Variants in CELF4 observed in about 807,000 individuals in gnomAD.
CELF4 encodes CUGBP Elav-like family member 4.
A neutral mutation model predicts 59.9 loss-of-function variants in CELF4; 18 were observed. That is an observed-to-expected ratio of 0.30 (90% CI 0.21 to 0.45). CELF4 has a LOEUF of 0.45. Ranked by LOEUF, CELF4 falls within the 20% of genes least tolerant of loss-of-function variation. The probability of loss-of-function intolerance (pLI) is 1.00; values close to 1 mark genes in which losing one functional copy is unlikely to be tolerated. For missense variants in CELF4, 456 were observed against 689.0 expected (o/e 0.66, Z 3.79); for synonymous variants, 261 against 267.1 (o/e 0.98, Z 0.22).
chr18:37,440,500 T>C lies in CELF4; in HGVS notation c.369+45025A>G, dbSNP rs1260786627. Among the ~76,000 whole-genome samples, 6 of 152,316 alleles carry C rather than the reference T, an allele frequency of 3.9e-5. No individual in the cohort carries two copies. The South Asian group carries it at 8.3e-4, about 21-fold the overall frequency. On this transcript the variant is annotated intron_variant, in intron 2 of 12. Coordinates refer to ENST00000420428, the MANE Select transcript of CELF4 (RefSeq NM_020180.4). ...TACCATCTGAGGAGCATTTCCTCCA[T>C]GTCAGACCAGATGTCCTCAGCTTCA...
chr18:37,476,939 A>C (rs926679124), intron 2 of CELF4, among the ~76,000 whole-genome samples: 1 of 152,176 alleles, frequency 6.6e-6, no homozygotes, highest in African/African-American at 2.4e-5. Context: ...CTTCCTTTCT[A>C]CATCCATGAC....
At chr18:37,412,077 A>C (rs1226459375) in intron 2 of CELF4, among the ~76,000 whole-genome samples, 4 of 152,202 alleles carry the variant, frequency 2.6e-5, no homozygotes, top group Non-Finnish European at 5.9e-5. Context: ...GAAGAATACA[A>C]CCACATAAGA....
intron 2 of CELF4, among the ~76,000 whole-genome samples, chr18:37,370,611 C>G (rs2098847264): frequency 6.6e-6 from 1 of 152,140 alleles, no homozygotes; most frequent in Non-Finnish European, 1.5e-5. Flanking sequence ...TGAAAAGTAG[C>G]ATGCTTTTAA....
At chr18:37,284,982 C>G (rs1274240794) in intron 3 of CELF4, among the ~76,000 whole-genome samples, 1 of 152,198 alleles carries the variant, frequency 6.6e-6, no homozygotes, top group Non-Finnish European at 1.5e-5. Context: ...GCCTGGAGTT[C>G]TCACTCCCTC....
At chr18:37,564,235 C>T (rs2099987440) in intron 1 of CELF4, among the ~76,000 whole-genome samples, 1 of 152,190 alleles carries the variant, frequency 6.6e-6, no homozygotes, top group South Asian at 2.1e-4. Context: ...ATTTAACTTG[C>T]CCACATAGAT....
intron 2 of CELF4, among the ~76,000 whole-genome samples, chr18:37,332,552 A>G (rs1301005603): frequency 6.6e-6 from 1 of 151,906 alleles, no homozygotes; most frequent in Non-Finnish European, 1.5e-5. Context: ...TCTCTCTACA[A>G]AATGCCTTCC....
chr18:37,381,382 T>C (rs2099039059), intron 2 of CELF4, among the ~76,000 whole-genome samples: 1 of 152,248 alleles, frequency 6.6e-6, no homozygotes, highest in African/African-American at 2.4e-5. Flanking sequence ...TCATGTTCTG[T>C]TTCTGCTTGA....
At chr18:37,463,991 C>T (rs757786406) in intron 2 of CELF4, among the ~76,000 whole-genome samples, 10 of 152,156 alleles carry the variant, frequency 6.6e-5, no homozygotes, top group Non-Finnish European at 1.2e-4. Flanking sequence ...ACCTGCCACC[C>T]GCAGACTCCC....
At chr18:37,346,689 C>G in intron 2 of CELF4, among the ~76,000 whole-genome samples, 1 of 152,004 alleles carries the variant, frequency 6.6e-6, no homozygotes, top group East Asian at 1.9e-4. Flanking sequence ...GGGCGAGGCT[C>G]GGGATTGGAG....
chr18:37,441,229 T>A (rs533556882), intron 2 of CELF4, among the ~76,000 whole-genome samples: 3 of 151,820 alleles, frequency 2.0e-5, no homozygotes, highest in African/African-American at 7.2e-5. Context: ...GCTTTCCAGA[T>A]GCCAGGGAGC....
intron 2 of CELF4, among the ~76,000 whole-genome samples, chr18:37,442,063 T>C (rs1417017300): frequency 6.6e-6 from 1 of 152,120 alleles, no homozygotes; most frequent in African/African-American, 2.4e-5. Flanking sequence ...TTTCCTTTAT[T>C]GGGTGCCCCA....
intron 2 of CELF4, among the ~76,000 whole-genome samples, chr18:37,452,079 G>T (rs962302338): frequency 3.9e-5 from 6 of 152,308 alleles, no homozygotes; most frequent in Middle Eastern, 6.8e-3. Context: ...AGGAGGCAGG[G>T]ACAGTGGGAT....
In CELF4 at chr18:37,378,760, C is replaced by T. The variant is rs150595216; in HGVS notation, c.370-56879G>A. On this transcript the variant is annotated intron_variant, in intron 2 of 12. Transcript: ENST00000420428. ...TGGCTCATGTGCAACCAGAGTGGGG[C>T]TTGCCCAGGCTCACAGAGGAAGGAG... Among the ~76,000 whole-genome samples the T allele has an allele frequency of 2.7e-3, 416 of 152,246 alleles. 2 individuals carry two copies. Among genetic ancestry groups the T allele is most frequent in the African/African-American group, 9.1e-3 (376 of 41,536 alleles).
At chr18:37,310,961 C>A (rs550247428) in intron 3 of CELF4, among the ~76,000 whole-genome samples, 1 of 152,144 alleles carries the variant, frequency 6.6e-6, no homozygotes, top group Non-Finnish European at 1.5e-5. Flanking sequence ...ACGAGAAGGC[C>A]GTGGTGCCTT....
intron 1 of CELF4, among the ~76,000 whole-genome samples, chr18:37,529,854 C>A (rs141825502): frequency 5.4e-4 from 82 of 152,270 alleles, no homozygotes; most frequent in African/African-American, 1.9e-3. Context: ...CTGGACTTCA[C>A]CCACAGACAT....
At chr18:37,321,232 G>C (rs1237639795) in intron 3 of CELF4, among the ~76,000 whole-genome samples, 1 of 152,184 alleles carries the variant, frequency 6.6e-6, no homozygotes, top group Admixed American at 6.5e-5. Context: ...TCCACGGCCA[G>C]TCTCCAGTGG....
At chr18:37,247,629 A>T (rs1482786462) in intron 12 of CELF4, 1 of 152,118 alleles carries the variant, frequency 6.6e-6, no homozygotes. Context: ...CAACACACAC[A>T]CACGCACACA....
chr18:37,542,354 C>T (rs2099978417), intron 1 of CELF4, among the ~76,000 whole-genome samples: 1 of 152,204 alleles, frequency 6.6e-6, no homozygotes, highest in Non-Finnish European at 1.5e-5. Flanking sequence ...CTGAACTTCA[C>T]GAGCTGGCTG....
At chr18:37,440,049 T>G (rs2099707540) in intron 2 of CELF4, among the ~76,000 whole-genome samples, 1 of 152,184 alleles carries the variant, frequency 6.6e-6, no homozygotes, top group African/African-American at 2.4e-5. Context: ...ATCACCTCCC[T>G]CTTGCCCAGG....
Sources: allele counts gnomAD v4.1 joint callset (sites outside exome capture counted in the v4.1 genomes callset), GRCh38; gene constraint gnomAD v4.1.1; transcripts MANE v1.5; gene names NCBI Gene and HGNC (gene_info 2026-07-23, HGNC 2026-07-21).